GRID2: variants seen among roughly 807,000 people sequenced by gnomAD.
The protein encoded by GRID2 is glutamate ionotropic receptor delta type subunit 2.
A neutral mutation model predicts 114.8 loss-of-function variants in GRID2; 33 were observed. The ratio of observed to expected loss-of-function variants is 0.29; its 90% CI spans 0.22 to 0.38. The LOEUF is 0.38. GRID2 is among the 10% of genes least tolerant of loss of function. The probability of loss-of-function intolerance (pLI) is 1.00; values close to 1 mark genes in which losing one functional copy is unlikely to be tolerated. For missense variants in GRID2, 1,184 were observed against 1,257.7 expected (o/e 0.94, Z 0.89); for synonymous variants, 505 against 449.9 (o/e 1.12, Z -1.55).
chr4:93,471,679 ATTTC>A (rs941617699), intron 11 of GRID2, among the ~76,000 whole-genome samples: 2 of 83,538 alleles, frequency 2.4e-5, no homozygotes, highest in Non-Finnish European at 5.2e-5. Context: ...ATTCATTGTT[ATTTC>A]TTCTCCTGAA....
At chr4:92,994,554 T>G (rs1755087631) in intron 2 of GRID2, among the ~76,000 whole-genome samples, 1 of 151,986 alleles carries the variant, frequency 6.6e-6, no homozygotes, top group African/African-American at 2.4e-5. Context: ...GAACTGCTGG[T>G]CTCAAGTGAT....
chr4:93,207,481 T>C lies in GRID2; in HGVS notation c.789+24T>C, dbSNP rs1742942573. 5 of 1,451,460 alleles carry C rather than the reference T, an allele frequency of 3.4e-6. No homozygotes were observed. The South Asian group carries it at 4.7e-5, about 13-fold the overall frequency. 89.9% of individuals were successfully genotyped at this position (1,451,460 alleles called of 1,614,324 possible). A position where few individuals can be genotyped will look rare whatever the true frequency, so the allele number is the denominator to read the frequency against. ...AGGTAAAGCCAACTAAACCTTATTGTTAACTCTGTGTCCTTTTTTCACATA... is the reference window on the plus strand; with the variant it reads ...AGGTAAAGCCAACTAAACCTTATTGCTAACTCTGTGTCCTTTTTTCACATA... On this transcript the variant is annotated intron_variant, in intron 5 of 15. Transcript: ENST00000282020.
chr4:92,721,864 T>TGCCACAAGTCATCTTTGTTCCTAA, intron 2 of GRID2, among the ~76,000 whole-genome samples: 1 of 152,324 alleles, frequency 6.6e-6, no homozygotes, highest in Middle Eastern at 3.4e-3. Flanking sequence ...ACACATTTAA[T>TGCCACAAGTCATCTTTGTTCCTAA]GCCACAAGTC....
In GRID2 at chr4:92,660,432, AT is replaced by A; in HGVS notation, c.244+70149del. 1.3e-5 allele frequency among the ~76,000 whole-genome samples: 2 copies of A among 151,392 alleles called. 1 individual carries two copies. The highest frequency in any genetic ancestry group is 4.1e-4 in the South Asian group (2 of 4,828). ...AAGGTTCAAGTTTGCTCTTGCTTGG[AT>A]TTACATAAACAGGACAAAAAGTGCA... On this transcript the variant is annotated intron_variant, in intron 2 of 15. Transcript: ENST00000282020.
chr4:92,967,926 A>C (rs1753264274), intron 2 of GRID2, among the ~76,000 whole-genome samples: 1 of 151,858 alleles, frequency 6.6e-6, no homozygotes, highest in African/African-American at 2.4e-5. Flanking sequence ...ATGTATCTCT[A>C]TTAGCATTCT....
chr4:93,602,024 CAA>C (rs753732868), intron 13 of GRID2, among the ~76,000 whole-genome samples: 2 of 152,070 alleles, frequency 1.3e-5, no homozygotes, highest in Non-Finnish European at 2.9e-5. Context: ...CATAACATGA[CAA>C]AGTTATAATG....
intron 8 of GRID2, among the ~76,000 whole-genome samples, chr4:93,283,108 C>G (rs767296984): frequency 1.3e-5 from 2 of 152,022 alleles, no homozygotes; most frequent in Non-Finnish European, 2.9e-5. Flanking sequence ...ATATCATACC[C>G]AAAGCAGTTA....
intron 8 of GRID2, among the ~76,000 whole-genome samples, chr4:93,354,881 T>C (rs1452773224): frequency 2.7e-5 from 4 of 148,804 alleles, no homozygotes; most frequent in African/African-American, 7.4e-5. Flanking sequence ...CTAGACATAT[T>C]GTGTTGAAGA....
At chr4:93,054,179 T>C (rs987323099) in intron 2 of GRID2, among the ~76,000 whole-genome samples, 1 of 151,850 alleles carries the variant, frequency 6.6e-6, no homozygotes. Context: ...CTCATAGAAA[T>C]GCTAAATGAA....
chr4:93,227,763 A>T (rs1187622975), intron 7 of GRID2, among the ~76,000 whole-genome samples: 10 of 152,236 alleles, frequency 6.6e-5, no homozygotes, highest in Non-Finnish European at 1.3e-4. Context: ...AAAGTCCTAG[A>T]ATATGGCCAC....
intron 8 of GRID2, among the ~76,000 whole-genome samples, chr4:93,378,730 C>T (rs1763591201): frequency 6.6e-6 from 1 of 152,020 alleles, no homozygotes; most frequent in African/African-American, 2.4e-5. Flanking sequence ...TCTGATATTG[C>T]CCAAGTGTCT....
chr4:92,480,391 C>G (rs1215201979), intron 1 of GRID2, among the ~76,000 whole-genome samples: 1 of 151,970 alleles, frequency 6.6e-6, no homozygotes, highest in Admixed American at 6.6e-5. Context: ...ACATTTTTCT[C>G]CTTAGTAGGA....
intron 2 of GRID2, among the ~76,000 whole-genome samples, chr4:92,723,947 TA>T: frequency 6.6e-6 from 1 of 152,288 alleles, no homozygotes; most frequent in South Asian, 2.1e-4. Flanking sequence ...TTTTTCGTAT[TA>T]AATGTTCATA....
intron 2 of GRID2, among the ~76,000 whole-genome samples, chr4:92,850,436 A>G (rs1450552095): frequency 6.6e-6 from 1 of 151,908 alleles, no homozygotes; most frequent in Non-Finnish European, 1.5e-5. Flanking sequence ...ATGGATGTTA[A>G]TAAACAATTT....
chr4:92,549,604 G>A (rs1238054398), intron 1 of GRID2, among the ~76,000 whole-genome samples: 1 of 152,176 alleles, frequency 6.6e-6, no homozygotes, highest in Admixed American at 6.5e-5. Context: ...ATCTTAGCCT[G>A]AGGCCTTTAC....
chr4:93,611,059 A>G (rs1254063432), intron 13 of GRID2, among the ~76,000 whole-genome samples: 1 of 126,426 alleles, frequency 7.9e-6, no homozygotes, highest in Non-Finnish European at 1.7e-5. Context: ...GTATGTGTCA[A>G]GGAATTTATC....
chr4:93,399,259 A>C (rs567135436), intron 9 of GRID2, among the ~76,000 whole-genome samples: 1 of 151,804 alleles, frequency 6.6e-6, no homozygotes, highest in Non-Finnish European at 1.5e-5. Flanking sequence ...AGCTCTACCC[A>C]CTCCCTCTTT....
intron 2 of GRID2, among the ~76,000 whole-genome samples, chr4:92,592,690 A>G (rs1010907675): frequency 2.0e-5 from 3 of 152,096 alleles, no homozygotes; most frequent in Non-Finnish European, 4.4e-5. Flanking sequence ...GTTCTCCACC[A>G]GTTATTGTGA....
intron 2 of GRID2, among the ~76,000 whole-genome samples, chr4:92,946,880 T>G (rs568341826): frequency 6.6e-6 from 1 of 152,178 alleles, no homozygotes; most frequent in South Asian, 2.1e-4. Flanking sequence ...CCTAGGTAAT[T>G]CTGATACTGC....
Sources: gnomAD v4.1 joint callset for allele counts (sites outside exome capture counted in the v4.1 genomes callset) on GRCh38, gnomAD v4.1.1 for gene constraint, MANE v1.5 for transcripts, NCBI Gene and HGNC (gene_info 2026-07-23, HGNC 2026-07-21) for gene names.